Variants in DDX42 observed in about 807,000 individuals in gnomAD.
DDX42 encodes the protein DEAD-box helicase 42.
In DDX42, 22 loss-of-function variants were observed where a neutral mutation model predicts 101.5. The ratio of observed to expected loss-of-function variants is 0.22; its 90% CI spans 0.15 to 0.31. The LOEUF (loss-of-function observed/expected upper bound fraction) is 0.31, where lower values mean the gene tolerates loss of function less well. Ranked by LOEUF, DDX42 falls within the 10% of genes least tolerant of loss-of-function variation. The pLI, the probability that DDX42 is intolerant of heterozygous loss-of-function variation, is 1.00. For missense variants in DDX42, 849 were observed against 1,199.9 expected, an observed-to-expected ratio of 0.71 and a Z score of 4.32; for synonymous variants, 402 against 401.2, an observed-to-expected ratio of 1.00 and a Z score of -0.02.
At chr17:63,776,465 C>A (rs1355623792) in intron 1 of DDX42, 1 of 152,204 alleles carries the variant, frequency 6.6e-6, no homozygotes, top group Admixed American at 6.5e-5. Flanking sequence ...GTATGAAATA[C>A]CTGAGTTGAA....
At chr17:63,801,527 T>C (rs73333710) in intron 6 of DDX42, among the ~76,000 whole-genome samples, 5,054 of 152,106 alleles carry the variant, frequency 0.033, 273 homozygotes, top group African/African-American at 0.12. Flanking sequence ...CATGCCTTTA[T>C]TTTTTTGTTT....
intron 10 of DDX42, 143 bp from the exon 11 acceptor site, chr17:63,809,415 AGT>A: frequency 4.9e-6 from 3 of 610,792 alleles, no homozygotes; most frequent in Non-Finnish European, 8.6e-6. Context: ...TGAGCTAAGT[AGT>A]GCATAAGGTA....
In DDX42 at chr17:63,794,920, A is replaced by G. The variant is rs150849603; in HGVS notation, c.372+2358A>G. On this transcript the variant is annotated intron_variant, in intron 3 of 17. Transcript: ENST00000389924. Reference sequence around the variant, plus strand: ...CATTGCACTCCAGCCTGGGCAATAGAGTGAGACTCCATCTTAAAAAAAAAA... The same window carrying G: ...CATTGCACTCCAGCCTGGGCAATAGGGTGAGACTCCATCTTAAAAAAAAAA... Among the ~76,000 whole-genome samples, 28 of 148,484 alleles carry G rather than the reference A, an allele frequency of 1.9e-4. No homozygotes were observed. The East Asian group carries it at 5.6e-3, about 30-fold the overall frequency.
intron 7 of DDX42, chr17:63,806,232 C>A: frequency 5.1e-6 from 1 of 196,500 alleles, no homozygotes. Flanking sequence ...CTTCCCAATT[C>A]ATTGAACAAT....
intron 3 of DDX42, among the ~76,000 whole-genome samples, chr17:63,793,879 T>TATATAA (rs780884817): frequency 1.4e-3 from 141 of 103,040 alleles, no homozygotes; most frequent in African/African-American, 5.4e-3. Context: ...TATATATATA[T>TATATAA]AATTTTTTAA....
In DDX42 at chr17:63,818,267, A is replaced by G. The variant is rs769450619; in HGVS notation, c.2686A>G (p.Met896Val). 1.2e-6 allele frequency: 2 copies of G among 1,613,974 alleles called. No individual in the cohort carries two copies. The highest frequency in any genetic ancestry group is 1.3e-5 in the African/African-American group (1 of 74,898). Residue 896 changes from methionine to valine, a missense_variant, in exon 18 of 18, where the codon ATG (methionine) becomes GTG (valine). Met to Val is a conservative substitution (Grantham distance 21). Around this residue, in one of 5 missense-constraint regions of DDX42, gnomAD observed 300 missense variants for 304.9 expected, o/e 0.98. Coordinates refer to ENST00000389924, the MANE Select transcript of DDX42 (RefSeq NM_203499.3). ...AGAAGCTTTTAATCGTGAGAGCAAG[A>G]TGGAGCCCAAGATGGAACCCAAAGT... is the stretch of plus-strand genomic sequence containing the variant. Reference protein sequence around the residue: ...RKEAFNRESKMEPKMEPKVDS... With the variant: ...RKEAFNRESKVEPKMEPKVDS...
intron 2 of DDX42, among the ~76,000 whole-genome samples, chr17:63,788,695 G>A (rs932676313): frequency 2.6e-5 from 4 of 152,110 alleles, no homozygotes; most frequent in African/African-American, 9.6e-5. Flanking sequence ...TCTCATAATT[G>A]GTAAATGCTT....
chr17:63,795,749 A>G (rs1309937565), intron 3 of DDX42, among the ~76,000 whole-genome samples: 1 of 152,244 alleles, frequency 6.6e-6, no homozygotes, highest in East Asian at 1.9e-4. Flanking sequence ...TTTCTGTAGA[A>G]GAATATGCCT....
Position 63,815,625 on chromosome 17 carries a change from A to G in DDX42, c.1965A>G (p.Gly655=), listed in dbSNP as rs764373853. 4 of 1,613,838 alleles carry G rather than the reference A, an allele frequency of 2.5e-6. No homozygotes were observed. The highest frequency in any genetic ancestry group is 1.3e-5 in the African/African-American group (1 of 74,920). ...AAGGAAAAAAGCTGAACATTGGTGG[A>G]GGAGGCCTAGGCTACAGGGAGCGGC... The part of the protein sequence containing the change: ...GGKGKKLNIG[G]GGLGYRERPG... The change falls in exon 16 of 18, where the codon GGA becomes GGG. Residue 655 remains glycine (G), a synonymous_variant. Coordinates refer to ENST00000389924, the MANE Select transcript of DDX42 (RefSeq NM_203499.3).
intron 1 of DDX42, among the ~76,000 whole-genome samples, chr17:63,783,898 A>T (rs2039517015): frequency 1.3e-5 from 2 of 152,082 alleles, no homozygotes; most frequent in Admixed American, 6.5e-5. Flanking sequence ...CCCCATCTCT[A>T]CTAAAAATAC....
intron 6 of DDX42, among the ~76,000 whole-genome samples, chr17:63,803,062 G>A (rs2039792216): frequency 6.6e-6 from 1 of 152,196 alleles, no homozygotes; most frequent in South Asian, 2.1e-4. Flanking sequence ...ATAATGAAAT[G>A]TGTTAACATT....
At chr17:63,780,231 G>A (rs1008542004) in intron 1 of DDX42, among the ~76,000 whole-genome samples, 1 of 152,192 alleles carries the variant, frequency 6.6e-6, no homozygotes, top group South Asian at 2.1e-4. Context: ...GGGAGGCGGA[G>A]GTTGTGGTGA....
rs1305357575 is a variant in DDX42, at chr17:63,799,973, T to C, written c.471+348T>C. ...CCTCTGGTAACATCTAACCTCTGTC[T>C]CTTAGTAAGTGTCCTGTTTGTGGTT... is the stretch of plus-strand genomic sequence containing the variant. On this transcript the variant is annotated intron_variant, in intron 5 of 17. Coordinates refer to ENST00000389924, the MANE Select transcript of DDX42 (RefSeq NM_203499.3). 2.0e-5 allele frequency among the ~76,000 whole-genome samples: 3 copies of C among 152,246 alleles called. No individual in the cohort carries two copies. In the South Asian group the frequency reaches 6.2e-4, roughly 31 times the overall value.
chr17:63,804,738 T>A (rs2039817633), intron 6 of DDX42, among the ~76,000 whole-genome samples: 2 of 152,062 alleles, frequency 1.3e-5, no homozygotes, highest in African/African-American at 4.8e-5. Context: ...CCCAGCTACT[T>A]GGGAGGCTGA....
chr17:63,806,389 C>T, intron 7 of DDX42, 146 bp from the exon 8 acceptor site: 1 of 797,258 alleles, frequency 1.3e-6, no homozygotes, highest in Non-Finnish European at 1.8e-6. Flanking sequence ...GAGGTTTTTC[C>T]TTTTCATTGT....
At chr17:63,790,166 C>T (rs2039608106) in intron 2 of DDX42, among the ~76,000 whole-genome samples, 1 of 152,032 alleles carries the variant, frequency 6.6e-6, no homozygotes, top group African/African-American at 2.4e-5. Flanking sequence ...AAACAAAAAA[C>T]TAAAAACCTA....
chr17:63,793,392 T>C (rs2039652239), intron 3 of DDX42, among the ~76,000 whole-genome samples: 1 of 152,062 alleles, frequency 6.6e-6, no homozygotes, highest in Admixed American at 6.6e-5. Context: ...CTCAGCCTCC[T>C]GAATAGCTGA....
chr17:63,782,684 G>A (rs926425290), intron 1 of DDX42, among the ~76,000 whole-genome samples: 4 of 152,030 alleles, frequency 2.6e-5, no homozygotes, highest in African/African-American at 4.8e-5. Context: ...CTTTCCCACA[G>A]GTGCTTTCTT....
chr17:63,811,977 C>A lies in DDX42; in HGVS notation c.1444C>A (p.Pro482Thr), dbSNP rs2039915907. 6.2e-7 allele frequency: 1 copy of A among 1,614,064 alleles called. No homozygotes were observed. Among genetic ancestry groups the A allele is most frequent in the African/African-American group, 1.3e-5 (1 of 74,904 alleles). Residue 482 changes from proline (P) to threonine (T), a missense_variant, in exon 14 of 18, where the codon CCT (proline) becomes ACT (threonine). Coordinates refer to ENST00000389924, the MANE Select transcript of DDX42 (RefSeq NM_203499.3). Reference protein sequence around the residue: ...TQIVEILHSGPSKWNWLTRRL... With the variant: ...TQIVEILHSGTSKWNWLTRRL... Reference sequence around the variant, plus strand: ...GATTGTGGAGATTCTCCATTCTGGACCTAGTAAATGGAACTGGCTTACCCG... The same window carrying A: ...GATTGTGGAGATTCTCCATTCTGGAACTAGTAAATGGAACTGGCTTACCCG...
Sources: allele counts gnomAD v4.1 joint callset (sites outside exome capture counted in the v4.1 genomes callset), GRCh38; gene constraint gnomAD v4.1.1; regional missense constraint gnomAD v4.1.1; transcripts MANE v1.5; gene names NCBI Gene and HGNC (gene_info 2026-07-23, HGNC 2026-07-21).